PCDH15: variants seen among roughly 807,000 people sequenced by gnomAD.
PCDH15 encodes protocadherin-15.
In PCDH15, 129 loss-of-function variants were observed where a neutral mutation model predicts 178.5. The observed-to-expected ratio is 0.72, with a 90% CI of 0.63 to 0.84. The LOEUF is 0.84. PCDH15 is among the 40% of genes least tolerant of loss of function. PCDH15 has a pLI of 0.00. For missense variants in PCDH15, 2,230 were observed against 2,099.9 expected, an observed-to-expected ratio of 1.06 and a Z score of -1.21; for synonymous variants, 800 against 732.0, an observed-to-expected ratio of 1.09 and a Z score of -1.50.
At chr10:54,227,600 G>T (rs985867307) in intron 9 of PCDH15, among the ~76,000 whole-genome samples, 2 of 152,162 alleles carry the variant, frequency 1.3e-5, no homozygotes, top group African/African-American at 4.8e-5. Context: ...ACAGCTCCTC[G>T]TTACTTATGC....
chr10:55,295,493 A>G (rs908794364), intron 1 of PCDH15, among the ~76,000 whole-genome samples: 6 of 152,192 alleles, frequency 3.9e-5, no homozygotes, highest in Non-Finnish European at 8.8e-5. Flanking sequence ...GTCAAAAAAT[A>G]CCATGCTACA....
At chr10:54,591,247 T>G (rs2091872212) in intron 2 of PCDH15, among the ~76,000 whole-genome samples, 4 of 152,104 alleles carry the variant, frequency 2.6e-5, no homozygotes, top group African/African-American at 9.7e-5. Flanking sequence ...GTTAAGAACC[T>G]CCATATGGAA....
At chr10:54,899,501 C>A (rs1591770909) in intron 2 of PCDH15, among the ~76,000 whole-genome samples, 1 of 75,530 alleles carries the variant, frequency 1.3e-5, no homozygotes, top group Non-Finnish European at 2.6e-5. Flanking sequence ...CCGTAATTTT[C>A]TTTTCTGTTT....
At chr10:53,900,137 C>A (rs977250619) in intron 26 of PCDH15, among the ~76,000 whole-genome samples, 1 of 151,946 alleles carries the variant, frequency 6.6e-6, no homozygotes, top group African/African-American at 2.4e-5. Context: ...AGACAATTTG[C>A]GCTCTGCTAC....
chr10:54,848,692 C>T (rs1039652313), intron 3 of PCDH15, among the ~76,000 whole-genome samples: 2 of 152,160 alleles, frequency 1.3e-5, no homozygotes, highest in African/African-American at 2.4e-5. Flanking sequence ...AGTACATTGA[C>T]CCTGATCACA....
chr10:54,564,745 G>T (rs2088747732), intron 2 of PCDH15, among the ~76,000 whole-genome samples: 1 of 151,964 alleles, frequency 6.6e-6, no homozygotes, highest in South Asian at 2.1e-4. Context: ...TCAATAAAAT[G>T]GGAATATAAT....
chr10:55,157,888 G>T (rs1838936523), intron 2 of PCDH15, among the ~76,000 whole-genome samples: 1 of 151,864 alleles, frequency 6.6e-6, no homozygotes, highest in South Asian at 2.1e-4. Context: ...ACACCAACAT[G>T]CCACATGTAT....
At chr10:54,856,520 T>G (rs1447712100) in intron 3 of PCDH15, among the ~76,000 whole-genome samples, 1 of 152,200 alleles carries the variant, frequency 6.6e-6, no homozygotes, top group Non-Finnish European at 1.5e-5. Context: ...AGATATAATA[T>G]GGTCATAAGT....
At chr10:53,824,051 A>C (rs1210163380) in intron 32 of PCDH15, among the ~76,000 whole-genome samples, 1 of 152,154 alleles carries the variant, frequency 6.6e-6, no homozygotes, top group Non-Finnish European at 1.5e-5. Context: ...AACCTTATAA[A>C]TAGTACCAAT....
At chr10:54,333,326 T>G (rs2133947986) in intron 6 of PCDH15, among the ~76,000 whole-genome samples, 1 of 152,288 alleles carries the variant, frequency 6.6e-6, no homozygotes, top group East Asian at 1.9e-4. Context: ...GCTTCTGAAA[T>G]GTTGCATATT....
intron 14 of PCDH15, among the ~76,000 whole-genome samples, chr10:54,133,295 C>T (rs981713468): frequency 6.6e-6 from 1 of 152,096 alleles, no homozygotes; most frequent in Admixed American, 6.5e-5. Context: ...AATTAACTTG[C>T]CTTGACTTCT....
At chr10:53,976,422 A>C (rs2090184653) in intron 21 of PCDH15, among the ~76,000 whole-genome samples, 2 of 152,170 alleles carry the variant, frequency 1.3e-5, no homozygotes, top group African/African-American at 4.8e-5. Flanking sequence ...GAAATAATTC[A>C]TCCATATTGA....
intron 1 of PCDH15, among the ~76,000 whole-genome samples, chr10:54,733,206 A>G (rs1177496555): frequency 6.6e-6 from 1 of 151,638 alleles, no homozygotes; most frequent in East Asian, 1.9e-4. Context: ...AAAAGAGAAC[A>G]TGATTATCTA....
intron 26 of PCDH15, among the ~76,000 whole-genome samples, chr10:53,901,510 C>T (rs1274169448): frequency 6.6e-6 from 1 of 152,130 alleles, no homozygotes; most frequent in Non-Finnish European, 1.5e-5. Flanking sequence ...GCATTAAACT[C>T]TACTTGTCCA....
chr10:54,673,317 T>C (rs2094713079), intron 1 of PCDH15, among the ~76,000 whole-genome samples: 1 of 152,226 alleles, frequency 6.6e-6, no homozygotes, highest in South Asian at 2.1e-4. Flanking sequence ...AGTGAGAATA[T>C]GCGGTGCTTG....
Position 54,246,636 on chromosome 10 carries a change from C to G in PCDH15, c.877-9705G>C, listed in dbSNP as rs1021821714. On this transcript the variant is annotated intron_variant, in intron 8 of 37. Transcript: ENST00000644397. The stretch of plus-strand genomic sequence containing the variant: ...TCTAGGGTATGCTGTGAGGATAATG[C>G]TCTTACGAACACTCTTGAGTATGTC... Among the ~76,000 whole-genome samples the G allele has an allele frequency of 3.3e-5, 5 of 151,608 alleles. No homozygotes were observed. In the East Asian group the frequency reaches 7.7e-4, roughly 23 times the overall value.
chr10:54,831,377 A>G (rs1403409154), intron 3 of PCDH15, among the ~76,000 whole-genome samples: 1 of 152,138 alleles, frequency 6.6e-6, no homozygotes, highest in Non-Finnish European at 1.5e-5. Flanking sequence ...CAAAAGACAC[A>G]TTAATATATT....
chr10:55,137,123 A>G (rs115959107), intron 2 of PCDH15, among the ~76,000 whole-genome samples: 7,757 of 152,218 alleles, frequency 0.051, 241 homozygotes, highest in African/African-American at 0.057. Flanking sequence ...ATCTAAAAAC[A>G]TTTTTATAGA....
At chr10:54,687,208 A>G (rs1384985780) in intron 1 of PCDH15, among the ~76,000 whole-genome samples, 1 of 152,158 alleles carries the variant, frequency 6.6e-6, no homozygotes, top group Non-Finnish European at 1.5e-5. Context: ...TGTTGGTGGG[A>G]ATGCAAAATG....
Sources: gnomAD v4.1 joint callset for allele counts (sites outside exome capture counted in the v4.1 genomes callset) on GRCh38, gnomAD v4.1.1 for gene constraint, MANE v1.5 for transcripts, NCBI Gene and HGNC (gene_info 2026-07-23, HGNC 2026-07-21) for gene names.